The following ABCC5 variants were observed in gnomAD, a reference collection of about 807,000 sequenced individuals.
ABCC5 encodes ATP binding cassette subfamily C member 5.
In ABCC5, 61 loss-of-function variants were observed where a neutral mutation model predicts 160.9. The observed-to-expected ratio is 0.38, with a 90% confidence interval of 0.31 to 0.47. The LOEUF (loss-of-function observed/expected upper bound fraction) is 0.47, where lower values mean the gene tolerates loss of function less well. Among genes scored for constraint, ABCC5 ranks in the 20% least tolerant of loss-of-function variants. ABCC5 has a pLI of 0.99. For synonymous variants in ABCC5, 666 were observed against 700.6 expected, an observed-to-expected ratio of 0.95 and a Z score of 0.78; for missense variants, 1,308 against 1,813.3, an observed-to-expected ratio of 0.72 and a Z score of 5.06.
intron 17 of ABCC5, among the ~76,000 whole-genome samples, chr3:183,958,756 G>A (rs967669885): frequency 7.9e-5 from 12 of 151,814 alleles, no homozygotes; most frequent in Admixed American, 5.2e-4. Flanking sequence ...GTGCCACCAC[G>A]TTTGGCTAAT....
intron 2 of ABCC5, among the ~76,000 whole-genome samples, chr3:184,012,222 G>A (rs1721812591): frequency 6.6e-6 from 1 of 151,686 alleles, no homozygotes; most frequent in Non-Finnish European, 1.5e-5. Flanking sequence ...TAAATCTACA[G>A]TTAGCTCAAA....
Position 183,923,164 on chromosome 3 carries a change from G to GTT in ABCC5, c.4213-1765_4213-1764dup, listed in dbSNP as rs1268689715. 3.3e-3 allele frequency among the ~76,000 whole-genome samples: 474 copies of GTT among 143,434 alleles called. 3 individuals are homozygous for GTT. The highest frequency in any genetic ancestry group is 0.011 in the African/African-American group (416 of 39,392). 94.1% of individuals were successfully genotyped at this position (143,434 alleles called of 152,430 possible). Reference sequence around the variant, plus strand: ...TTTATGCTTTTCTGGTGTGTGTGTGGTTTTTTTTTTTTAGGCTTTCCTGAA... The same window carrying GTT: ...TTTATGCTTTTCTGGTGTGTGTGTGGTTTTTTTTTTTTTTAGGCTTTCCTGAA... On this transcript the variant is annotated intron_variant, in intron 29 of 29. Transcript: ENST00000334444.
At chr3:183,999,459 A>G (rs951491763) in intron 2 of ABCC5, among the ~76,000 whole-genome samples, 2 of 152,180 alleles carry the variant, frequency 1.3e-5, no homozygotes, top group Non-Finnish European at 2.9e-5. Flanking sequence ...GGGAATCATG[A>G]GTCAGTGAAT....
chr3:184,009,989 C>A (rs946854875), intron 2 of ABCC5: 4 of 433,646 alleles, frequency 9.2e-6, no homozygotes, highest in Non-Finnish European at 1.4e-5. Flanking sequence ...TACAAAAAAA[C>A]AAACAAAAAA....
Position 183,921,579 on chromosome 3 carries a change from A to C in ABCC5, c.4213-178T>G, listed in dbSNP as rs1408158314. Among the ~76,000 whole-genome samples, 1 of 152,020 alleles carries C rather than the reference A, an allele frequency of 6.6e-6. No homozygotes were observed. The highest frequency in any genetic ancestry group is 2.4e-5 in the African/African-American group (1 of 41,414). ...TTTTCAACTATCCAGGGAGTAAGGG[A>C]AAGGACAGAGAAAATGACTTCCAGC... On this transcript the variant is annotated intron_variant, in intron 29 of 29. Coordinates refer to ENST00000334444, the MANE Select transcript of ABCC5 (RefSeq NM_005688.4). The surrounding 1 kb of genome is among the most constrained non-coding windows in gnomAD (Gnocchi z 4.1).
At chr3:183,927,626 C>T (rs1391116096) in intron 27 of ABCC5, 183 bp from the exon 28 acceptor site, 4 of 985,308 alleles carry the variant, frequency 4.1e-6, no homozygotes, top group Non-Finnish European at 4.8e-6. Context: ...CCAAGGCAGT[C>T]CCTGATTCCA....
chr3:183,939,376 T>C (rs1000407116), intron 25 of ABCC5, among the ~76,000 whole-genome samples: 1 of 152,242 alleles, frequency 6.6e-6, no homozygotes, highest in Non-Finnish European at 1.5e-5. Context: ...GAGGTTGCAG[T>C]GAGCCAAGAT....
intron 2 of ABCC5, among the ~76,000 whole-genome samples, chr3:183,990,712 T>A (rs923801256): frequency 1.3e-5 from 2 of 152,198 alleles, no homozygotes; most frequent in African/African-American, 4.8e-5. Flanking sequence ...AAGGATCTCA[T>A]GAGCTGAAAT....
At chr3:183,962,428 T>C (rs748254083) in intron 15 of ABCC5, among the ~76,000 whole-genome samples, 1 of 152,002 alleles carries the variant, frequency 6.6e-6, no homozygotes, top group Non-Finnish European at 1.5e-5. Context: ...CACACAACAA[T>C]GGACTATCTG....
At chr3:183,936,150 C>T (rs966613219) in intron 26 of ABCC5, among the ~76,000 whole-genome samples, 1 of 152,004 alleles carries the variant, frequency 6.6e-6, no homozygotes, top group South Asian at 2.1e-4. Context: ...CTCCTTTCCG[C>T]GGGCACACAC....
intron 2 of ABCC5, among the ~76,000 whole-genome samples, chr3:184,005,771 A>T (rs1333604462): frequency 6.6e-6 from 1 of 152,166 alleles, no homozygotes; most frequent in Non-Finnish European, 1.5e-5. Context: ...CCTAGAACTT[A>T]AAGTATAATA....
intron 13 of ABCC5, 51 bp downstream of exon 13, chr3:183,965,326 C>T (rs1717116923): frequency 1.2e-6 from 2 of 1,613,956 alleles, no homozygotes; most frequent in Non-Finnish European, 1.7e-6. Context: ...GGCTGCCTTG[C>T]ATCTCACGCG....
In ABCC5 at chr3:183,978,320, T is replaced by C. The variant is rs566618281; in HGVS notation, c.1296+183A>G. ...CATCATCTCCATATGTGGTATTTTT[T>C]TTTTGTTTGTTTGTTTGTTTTGTTT... On this transcript the variant is annotated intron_variant, in intron 9 of 29. Transcript: ENST00000334444. Among the ~76,000 whole-genome samples, 6 of 151,896 alleles carry C rather than the reference T, an allele frequency of 4.0e-5. No individual in the cohort carries two copies. In the South Asian group the frequency reaches 1.3e-3, roughly 32 times the overall value.
intron 26 of ABCC5, among the ~76,000 whole-genome samples, chr3:183,935,422 C>T (rs949230396): frequency 2.0e-5 from 3 of 151,268 alleles, no homozygotes; most frequent in Non-Finnish European, 2.9e-5. Flanking sequence ...CCTCGTGATC[C>T]GCCCGCCTCA....
intron 2 of ABCC5, among the ~76,000 whole-genome samples, chr3:184,001,546 C>T (rs1720742318): frequency 6.6e-6 from 1 of 152,106 alleles, no homozygotes; most frequent in African/African-American, 2.4e-5. Context: ...GGACATGTGG[C>T]AATATCTGGA....
intron 2 of ABCC5, among the ~76,000 whole-genome samples, chr3:183,998,837 C>T (rs920385571): frequency 6.6e-6 from 1 of 152,108 alleles, no homozygotes; most frequent in African/African-American, 2.4e-5. Flanking sequence ...CGCCTGTAAT[C>T]CCAGCATTTT....
At chr3:184,011,664 T>C (rs1721754275) in intron 2 of ABCC5, among the ~76,000 whole-genome samples, 1 of 152,152 alleles carries the variant, frequency 6.6e-6, no homozygotes, top group Non-Finnish European at 1.5e-5. Context: ...CTTTAACAAA[T>C]GAATGGTTAA....
At chr3:183,955,541 C>T (rs1313417006) in intron 17 of ABCC5, among the ~76,000 whole-genome samples, 1 of 152,206 alleles carries the variant, frequency 6.6e-6, no homozygotes, top group Admixed American at 6.5e-5. Context: ...TTTTCATTTG[C>T]AAGAGAAACA....
In ABCC5 at chr3:183,947,342, G is replaced by GTCCA; in HGVS notation, c.3395_3396insTGGA (p.Ile1133GlyfsTer21). The GTCCA allele has an allele frequency of 6.2e-7, 1 of 1,611,968 alleles. No individual in the cohort carries two copies. Among genetic ancestry groups the GTCCA allele is most frequent in the East Asian group, 2.2e-5 (1 of 44,838 alleles). ...GACTGACCTGGACAGCATAAGAGATGGCGAGACCCGCATAGGCTGGGGGAA... is the reference window on the plus strand; with the variant it reads ...GACTGACCTGGACAGCATAAGAGATGTCCAGCGAGACCCGCATAGGCTGGGGGAA... On this transcript the variant is annotated frameshift_variant, in exon 23 of 30. Transcript: ENST00000334444. LOFTEE classifies it high-confidence loss of function.
Sources: gnomAD v4.1 joint callset for allele counts (sites outside exome capture counted in the v4.1 genomes callset) on GRCh38, gnomAD v4.1.1 for gene constraint, Gnocchi (gnomAD v3.1) non-coding constraint, MANE v1.5 for transcripts, NCBI Gene and HGNC (gene_info 2026-07-23, HGNC 2026-07-21) for gene names.